Variants in ZNF510 observed in about 807,000 individuals in gnomAD.
ZNF510 encodes zinc finger protein 510.
In ZNF510, 15 loss-of-function variants were observed where a neutral mutation model predicts 18.1. That is an observed-to-expected ratio of 0.83 (90% confidence interval 0.55 to 1.28). ZNF510 has a LOEUF of 1.28. ZNF510 is among the 50% of genes most tolerant of loss of function. ZNF510 has a pLI of 0.00. For synonymous variants in ZNF510, 261 were observed against 266.4 expected, an observed-to-expected ratio of 0.98 and a Z score of 0.20; for missense variants, 724 against 791.8, an observed-to-expected ratio of 0.91 and a Z score of 1.03.
intron 3 of ZNF510, among the ~76,000 whole-genome samples, chr9:96,765,027 C>T (rs887979446): frequency 5.3e-5 from 8 of 151,966 alleles, no homozygotes; most frequent in African/African-American, 7.3e-5. Context: ...GCAGGAGAAT[C>T]GTTTGGACCT....
chr9:96,768,416 A>C (rs1849520688), intron 3 of ZNF510, among the ~76,000 whole-genome samples: 1 of 152,172 alleles, frequency 6.6e-6, no homozygotes, highest in Non-Finnish European at 1.5e-5. Flanking sequence ...AAGTAAAACT[A>C]TCTCTATTCT....
rs1319969467 is a variant in ZNF510 at position 96,759,491 on chromosome 9, G to A, written c.1339C>T (p.Leu447Phe). The A allele has an allele frequency of 1.6e-5, 26 of 1,613,936 alleles. No individual in the cohort carries two copies. The highest frequency in any genetic ancestry group is 2.1e-5 in the Non-Finnish European group (25 of 1,179,984). Reference protein sequence around the residue: ...CGKTFSQKSHLSTHQRIHTAE... With the variant: ...CGKTFSQKSHFSTHQRIHTAE... ...GTATGAATTCTCTGATGAGTACTGA[G>A]GTGTGACTTCTGGGAGAAAGTTTTT... is the stretch of plus-strand genomic sequence containing the variant. Residue 447 changes from leucine (L) to phenylalanine (F), a missense_variant, in exon 6 of 6, where the codon CTC becomes TTC. Physicochemically the swap from Leu to Phe is conservative, Grantham distance 22 (BLOSUM62 0). Coordinates refer to ENST00000223428, the MANE Select transcript of ZNF510 (RefSeq NM_014930.3).
At position 96,756,490 on chromosome 9, in the gene ZNF510, A is replaced by G. The variant is rs551329737; in HGVS notation, c.*2288T>C. ...TCCCTTCTAAGAGACAGCTACTACT[A>G]TTGCCTATACAGCTGACATACTGTG... On this transcript the variant is annotated 3_prime_UTR_variant, in exon 6 of 6. Transcript: ENST00000223428. 2 of 152,298 alleles carry G rather than the reference A, an allele frequency of 1.3e-5. No homozygotes were observed. Among genetic ancestry groups the G allele is most frequent in the South Asian group, 2.1e-4 (1 of 4,826 alleles). The allele number at this position is 152,298 out of a possible 1,614,324, so 9.4% of individuals were successfully genotyped here.
At position 96,759,136 on chromosome 9, in the gene ZNF510, G is replaced by A; in HGVS notation, c.1694C>T (p.Thr565Ile). The change falls in exon 6 of 6, where the codon ACT (threonine) becomes ATT (isoleucine). Residue 565 changes from threonine (T) to isoleucine (I), a missense_variant. By Grantham distance (89) the Thr-to-Ile change is moderately conservative (BLOSUM62 -1). Coordinates refer to ENST00000223428, the MANE Select transcript of ZNF510 (RefSeq NM_014930.3). The stretch of plus-strand genomic sequence containing the variant: ...TTTGAATGGTTTCTCTCCCGTGTGA[G>A]TTTTCTGATGTTGAATGAGATGATC... ...RKDHLIQHQK[T>I]HTGEKPFKCN... 6.2e-7 allele frequency: 1 copy of A among 1,613,864 alleles called. No homozygotes were observed. The highest frequency in any genetic ancestry group is 8.5e-7 in the Non-Finnish European group (1 of 1,179,934).
In ZNF510 at chr9:96,759,633, T is replaced by G. The variant is rs772211355; in HGVS notation, c.1197A>C (p.Ser399=). 51 of 1,613,484 alleles carry G rather than the reference T, an allele frequency of 3.2e-5. No homozygotes were observed. The highest frequency in any genetic ancestry group is 3.7e-5 in the Non-Finnish European group (44 of 1,179,862). Residue 399 remains serine, a synonymous_variant, in exon 6 of 6, where the codon TCA becomes TCC. Transcript: ENST00000223428. ...SVHRVRRRSH[S]MMKPYKCNEC... ...CATTACATTTATAGGGTTTCATCAT[T>G]GAGTGACTTCTTCGGCGAACTCTGT...
chr9:96,760,295 A>G lies in ZNF510; in HGVS notation c.535T>C (p.Trp179Arg). 1 of 1,613,694 alleles carries G rather than the reference A, an allele frequency of 6.2e-7. No homozygotes were observed. The highest frequency in any genetic ancestry group is 1.3e-5 in the African/African-American group (1 of 75,040). The change falls in exon 6 of 6, where the codon TGG becomes CGG. Residue 179 changes from tryptophan (W) to arginine (R), a missense_variant. Physicochemically the swap from Trp to Arg is moderately radical, Grantham distance 101. Transcript: ENST00000223428. ...STKMSCKCNS[W>R]EVNLQSISEF... is the part of the protein sequence containing the mutation. The stretch of plus-strand genomic sequence containing the variant: ...GAAATACTTTGCAAATTCACTTCCC[A>G]TGAGTTGCATTTGCAGGACATTTTT...
In ZNF510 at chr9:96,759,960, AT is replaced by A; in HGVS notation, c.869del (p.Asn290IlefsTer44). 1.2e-6 allele frequency: 2 copies of A among 1,613,120 alleles called. No homozygotes were observed. Among genetic ancestry groups the A allele is most frequent in the Non-Finnish European group, 1.7e-6 (2 of 1,179,896 alleles). On this transcript the variant is annotated frameshift_variant, in exon 6 of 6. Coordinates refer to ENST00000223428, the MANE Select transcript of ZNF510 (RefSeq NM_014930.3). LOFTEE classifies it low-confidence loss of function (END_TRUNC). The stretch of plus-strand genomic sequence containing the variant: ...GGTCAAAGAGAGTTTTCTTATCACA[AT>A]TTTTCCTAAATTCATCATCTTTAGA... Reference protein sequence around the residue: ...TSSKDDEFRKNCDKKTLFDHR... With the variant: ...TSSKDDEFRKXCDKKTLFDHR...
At chr9:96,771,322 T>C (rs1034840186) in intron 3 of ZNF510, among the ~76,000 whole-genome samples, 1 of 152,094 alleles carries the variant, frequency 6.6e-6, no homozygotes, top group African/African-American at 2.4e-5. Flanking sequence ...GGTTAAACAT[T>C]GATAAATCTA....
At chr9:96,763,080 T>C in intron 5 of ZNF510, 38 bp downstream of exon 5, 1 of 1,568,672 alleles carries the variant, frequency 6.4e-7, no homozygotes. Flanking sequence ...GTCTAACCAC[T>C]CCTGCAGAAT....
In ZNF510 at chr9:96,755,355, CAGAGT is replaced by C. The variant is rs1278196110; in HGVS notation, c.*3418_*3422del. On this transcript the variant is annotated 3_prime_UTR_variant, in exon 6 of 6. Transcript: ENST00000223428. ...TTTATATTAGGAAGTATTACAAAAA[CAGAGT>C]AAACAGTGATGTTTTGATTCTCAGG... Among the ~76,000 whole-genome samples the C allele has an allele frequency of 1.3e-5, 2 of 152,144 alleles. No individual in the cohort carries two copies. The highest frequency in any genetic ancestry group is 1.3e-4 in the Admixed American group (2 of 15,270).
chr9:96,758,869 T>C lies in ZNF510; in HGVS notation c.1961A>G (p.Lys654Arg). Residue 654 changes from lysine (K) to arginine (R), a missense_variant, in exon 6 of 6, where the codon AAA becomes AGA. By Grantham distance (26) the Lys-to-Arg change is conservative (BLOSUM62 2). Coordinates refer to ENST00000223428, the MANE Select transcript of ZNF510 (RefSeq NM_014930.3). ...RIHQRTHSGEKSYECNEYGKL... is the reference protein window; with the variant it reads ...RIHQRTHSGERSYECNEYGKL... The stretch of plus-strand genomic sequence containing the variant: ...CCCATATTCATTGCATTCATAAGAT[T>C]TCTCCCCACTGTGAGTCCTTTGATG... 7 of 1,614,098 alleles carry C rather than the reference T, an allele frequency of 4.3e-6. No homozygotes were observed. The highest frequency in any genetic ancestry group is 5.9e-6 in the Non-Finnish European group (7 of 1,179,976).
chr9:96,762,547 C>T (rs1383285392), intron 5 of ZNF510, among the ~76,000 whole-genome samples: 1 of 150,130 alleles, frequency 6.7e-6, no homozygotes, highest in Non-Finnish European at 1.5e-5. Context: ...AAACATCCTC[C>T]TGATACCACA....
rs761850585 is a variant in ZNF510 at position 96,760,403 on chromosome 9, T to C, written c.427A>G (p.Ile143Val). The C allele has an allele frequency of 5.6e-6, 9 of 1,613,522 alleles. No individual in the cohort carries two copies. The highest frequency in any genetic ancestry group is 6.8e-6 in the Non-Finnish European group (8 of 1,179,804). ...KDKHLEQAIC[I>V]NNKTLTTEEE... ...TCTGTAGTCAATGTTTTATTATTGA[T>C]ACATATTGCTTGCTCCAAGTGTTTG... is the stretch of plus-strand genomic sequence containing the variant. Residue 143 changes from isoleucine (I) to valine (V), a missense_variant, in exon 6 of 6, where the codon ATC becomes GTC. Physicochemically the swap from Ile to Val is conservative, Grantham distance 29. Coordinates refer to ENST00000223428, the MANE Select transcript of ZNF510 (RefSeq NM_014930.3).
chr9:96,759,575 G>C lies in ZNF510; in HGVS notation c.1255C>G (p.Leu419Val). 1.2e-6 allele frequency: 2 copies of C among 1,614,060 alleles called. No individual in the cohort carries two copies. Among genetic ancestry groups the C allele is most frequent in the Non-Finnish European group, 1.7e-6 (2 of 1,179,990 alleles). ...CGKSFCQKGH[L>V]IQHQRTHTGE... is the part of the protein sequence containing the mutation. ...GTGTGAGTTCTCTGATGTTGAATGA[G>C]ATGTCCTTTCTGACAGAAGGATTTC... The change falls in exon 6 of 6, where the codon CTC becomes GTC. Residue 419 changes from leucine to valine, a missense_variant. Coordinates refer to ENST00000223428, the MANE Select transcript of ZNF510 (RefSeq NM_014930.3).
At position 96,759,540 on chromosome 9, in the gene ZNF510, T is replaced by C; in HGVS notation, c.1290A>G (p.Lys430=). ...TTCCACATTCACTACATTCAAATGGTTTCTCTCCTGTGTGAGTTCTCTGAT... is the reference window on the plus strand; with the variant it reads ...TTCCACATTCACTACATTCAAATGGCTTCTCTCCTGTGTGAGTTCTCTGAT... The part of the protein sequence containing the change: ...IQHQRTHTGE[K]PFECSECGKT... Residue 430 remains lysine (K), a synonymous_variant, in exon 6 of 6, where the codon AAA becomes AAG. Coordinates refer to ENST00000223428, the MANE Select transcript of ZNF510 (RefSeq NM_014930.3). 1 of 1,614,146 alleles carries C rather than the reference T, an allele frequency of 6.2e-7. No individual in the cohort carries two copies. Among genetic ancestry groups the C allele is most frequent in the Non-Finnish European group, 8.5e-7 (1 of 1,179,988 alleles).
chr9:96,762,202 A>AT (rs1849361731), intron 5 of ZNF510, among the ~76,000 whole-genome samples: 1 of 133,674 alleles, frequency 7.5e-6, no homozygotes, highest in Non-Finnish European at 1.6e-5. Context: ...ACCTGTGGAA[A>AT]TTAAAAAAAA....
rs12337947 is a variant in ZNF510, at chr9:96,776,351, G to C, written c.-176-106C>G. On this transcript the variant is annotated intron_variant, in intron 1 of 5. Coordinates refer to ENST00000223428, the MANE Select transcript of ZNF510 (RefSeq NM_014930.3). ...ATGGAAAACAGTGTTCTTCACGTCA[G>C]CACAACTTCCATTTTGGGCTGGATA... The C allele has an allele frequency of 4.7e-3, 1,836 of 388,732 alleles. 27 individuals carry two copies. The highest frequency in any genetic ancestry group is 0.035 in the African/African-American group (1,662 of 48,076). The allele number at this position is 388,732 out of a possible 1,614,324, so 24.1% of individuals were successfully genotyped here. A position where few individuals can be genotyped will look rare whatever the true frequency, so the allele number is the denominator to read the frequency against.
At chr9:96,769,793 CAAAT>C (rs900479553) in intron 3 of ZNF510, among the ~76,000 whole-genome samples, 3 of 152,164 alleles carry the variant, frequency 2.0e-5, no homozygotes, top group African/African-American at 7.2e-5. Context: ...AGATGATAAA[CAAAT>C]AGCCAATAAG....
At chr9:96,771,563 A>G (rs868304963) in intron 3 of ZNF510, among the ~76,000 whole-genome samples, 27 of 152,246 alleles carry the variant, frequency 1.8e-4, no homozygotes, top group Middle Eastern at 3.4e-3. Context: ...CAGGTGAGGT[A>G]TAAGACAAGG....
Sources: allele counts gnomAD v4.1 joint callset (sites outside exome capture counted in the v4.1 genomes callset), GRCh38; gene constraint gnomAD v4.1.1; transcripts MANE v1.5; gene names NCBI Gene and HGNC (gene_info 2026-07-23, HGNC 2026-07-21).